The following SETD3 variants were observed in gnomAD, a reference collection of about 807,000 sequenced individuals.
SETD3 encodes the protein SET domain containing 3, actin N3(tau)-histidine methyltransferase.
SETD3 carries 19 observed loss-of-function variants against 63.0 expected under a neutral mutation model. The ratio of observed to expected loss-of-function variants is 0.30; its 90% confidence interval spans 0.21 to 0.44. The LOEUF (loss-of-function observed/expected upper bound fraction) is 0.44, where lower values mean the gene tolerates loss of function less well. Among genes scored for constraint, SETD3 ranks in the 20% least tolerant of loss-of-function variants. SETD3 has a pLI of 1.00. For missense variants in SETD3, 587 were observed against 728.5 expected (o/e 0.81, Z 2.24); for synonymous variants, 286 against 264.1 (o/e 1.08, Z -0.80).
chr14:99,449,361 A>G (rs1412656220), intron 6 of SETD3, among the ~76,000 whole-genome samples: 5 of 152,252 alleles, frequency 3.3e-5, no homozygotes, highest in African/African-American at 1.2e-4. Context: ...TAAGGTATTC[A>G]TTAATTATAA....
At chr14:99,453,476 C>T (rs1054840328) in intron 6 of SETD3, among the ~76,000 whole-genome samples, 1 of 152,108 alleles carries the variant, frequency 6.6e-6, no homozygotes, top group African/African-American at 2.4e-5. Context: ...GCACCTCATT[C>T]TAGGGTGCCT....
chr14:99,410,331 A>C (rs745401879), intron 8 of SETD3: 14 of 1,397,328 alleles, frequency 1.0e-5, no homozygotes, highest in Non-Finnish European at 1.4e-5. Context: ...TTGAGACTGT[A>C]AGACTCATCT....
At chr14:99,416,979 A>G (rs1053980945) in intron 6 of SETD3, among the ~76,000 whole-genome samples, 3 of 152,192 alleles carry the variant, frequency 2.0e-5, no homozygotes, top group African/African-American at 7.2e-5. Context: ...TACGTTTGGG[A>G]AAGATTAATA....
At chr14:99,410,249 A>C (rs1676305431) in intron 8 of SETD3, 20 of 1,613,270 alleles carry the variant, frequency 1.2e-5, no homozygotes, top group Non-Finnish European at 1.5e-5. Context: ...GGTGAGTCAG[A>C]CCTGTGTGCA....
chr14:99,477,615 G>T (rs1361497430), intron 1 of SETD3, among the ~76,000 whole-genome samples: 1 of 151,900 alleles, frequency 6.6e-6, no homozygotes, highest in Non-Finnish European at 1.5e-5. Context: ...TTAGCCAGGC[G>T]TGGTGGCGCA....
intron 6 of SETD3, among the ~76,000 whole-genome samples, chr14:99,445,698 A>C (rs1032955291): frequency 6.6e-6 from 1 of 152,222 alleles, no homozygotes; most frequent in African/African-American, 2.4e-5. Context: ...AAATGTGTGT[A>C]ATGTGGGAGT....
intron 1 of SETD3, among the ~76,000 whole-genome samples, chr14:99,475,408 T>C (rs564821143): frequency 3.9e-5 from 6 of 152,382 alleles, no homozygotes; most frequent in African/African-American, 1.2e-4. Flanking sequence ...CTAAGGCAGA[T>C]TGCCAGTAAG....
intron 6 of SETD3, among the ~76,000 whole-genome samples, chr14:99,455,153 G>C (rs1296455631): frequency 6.6e-6 from 1 of 152,222 alleles, no homozygotes; most frequent in East Asian, 1.9e-4. Context: ...CTCTCACTTG[G>C]ACAGTGGATA....
chr14:99,444,305 C>T (rs1019453815), intron 6 of SETD3: 15 of 152,182 alleles, frequency 9.9e-5, no homozygotes. Flanking sequence ...AATGAATTTC[C>T]ATGCTCGCTT....
chr14:99,486,008 A>G, the SETD3 span, among the ~76,000 whole-genome samples: 1 of 152,208 alleles, frequency 6.6e-6, no homozygotes, highest in Non-Finnish European at 1.5e-5. Flanking sequence ...ATATAATCCT[A>G]TACCGTACAA....
At chr14:99,401,622 A>G (rs1451363600) in intron 11 of SETD3, among the ~76,000 whole-genome samples, 1 of 152,230 alleles carries the variant, frequency 6.6e-6, no homozygotes. Context: ...AATGTTCAAA[A>G]AAGTTTATTA....
At chr14:99,476,080 C>G (rs1003035336) in intron 1 of SETD3, among the ~76,000 whole-genome samples, 4 of 152,150 alleles carry the variant, frequency 2.6e-5, no homozygotes, top group Admixed American at 1.3e-4. Context: ...ATTATATGAT[C>G]AGGAATTGAG....
At chr14:99,406,644 A>C in intron 8 of SETD3, 54 bp from the exon 9 acceptor site, 459 of 1,491,808 alleles carry the variant, frequency 3.1e-4, no homozygotes, top group Non-Finnish European at 3.9e-4. Context: ...CGCACATCTC[A>C]CTTAATCTAC....
rs572052934 is a variant in SETD3, at chr14:99,453,591, G to A, written c.675+4688C>T. Among the ~76,000 whole-genome samples, 312 of 152,218 alleles carry A rather than the reference G, an allele frequency of 2.0e-3. 1 individual carries two copies. Among genetic ancestry groups the A allele is most frequent in the African/African-American group, 7.4e-3 (309 of 41,532 alleles). On this transcript the variant is annotated intron_variant, in intron 6 of 12. Transcript: ENST00000331768. Reference sequence around the variant, plus strand: ...TGTAATCCCAGCACTTTGGGAGGCCGAGGTGGGTGGATCACCAGAGATCAG... The same window carrying A: ...TGTAATCCCAGCACTTTGGGAGGCCAAGGTGGGTGGATCACCAGAGATCAG...
intron 1 of SETD3, among the ~76,000 whole-genome samples, chr14:99,467,881 C>A (rs2139801347): frequency 6.6e-6 from 1 of 152,314 alleles, no homozygotes; most frequent in South Asian, 2.1e-4. Flanking sequence ...AAAGTCTTCT[C>A]TCAGCTATCC....
intron 1 of SETD3, among the ~76,000 whole-genome samples, chr14:99,479,048 C>T (rs1896121493): frequency 6.6e-6 from 1 of 152,208 alleles, no homozygotes; most frequent in African/African-American, 2.4e-5. Flanking sequence ...TACATACAGA[C>T]ATAAGATGTT....
At chr14:99,473,666 A>C (rs1359490904) in intron 1 of SETD3, among the ~76,000 whole-genome samples, 1 of 152,132 alleles carries the variant, frequency 6.6e-6, no homozygotes, top group Non-Finnish European at 1.5e-5. Flanking sequence ...CACACTCGAG[A>C]GAGTGTGAGG....
chr14:99,428,825 T>C (rs896968682), intron 6 of SETD3, among the ~76,000 whole-genome samples: 1 of 152,014 alleles, frequency 6.6e-6, no homozygotes, highest in Non-Finnish European at 1.5e-5. Context: ...CTGCTGCCAA[T>C]CACAGGAGTG....
chr14:99,465,837 GA>G, intron 1 of SETD3, 24 bp from the exon 2 acceptor site: 1 of 1,524,560 alleles, frequency 6.6e-7, no homozygotes, highest in Non-Finnish European at 9.0e-7. Flanking sequence ...AAAGAAAAGA[GA>G]AAAAAATTAC....
Sources: allele counts gnomAD v4.1 joint callset (sites outside exome capture counted in the v4.1 genomes callset), GRCh38; gene constraint gnomAD v4.1.1; transcripts MANE v1.5; gene names NCBI Gene and HGNC (gene_info 2026-07-23, HGNC 2026-07-21).